Variants in PTBP3 observed in about 807,000 individuals in gnomAD.
PTBP3 encodes polypyrimidine tract-binding protein 3.
A neutral mutation model predicts 58.7 loss-of-function variants in PTBP3; 20 were observed. That is an observed-to-expected ratio of 0.34 (90% CI 0.24 to 0.50). The LOEUF (loss-of-function observed/expected upper bound fraction) is 0.50, where lower values mean the gene tolerates loss of function less well. PTBP3 is among the 20% of genes least tolerant of loss of function. The pLI is 0.98. For synonymous variants in PTBP3, 185 were observed against 219.8 expected (o/e 0.84, Z 1.40); for missense variants, 509 against 637.2 (o/e 0.80, Z 2.17).
At chr9:112,368,795 C>A in the PTBP3 span, among the ~76,000 whole-genome samples, 1 of 152,118 alleles carries the variant, frequency 6.6e-6, no homozygotes. Context: ...ATCAAGACAA[C>A]GGGGGAAAAT....
At chr9:112,291,877 C>T (rs1213536455) in intron 2 of PTBP3, among the ~76,000 whole-genome samples, 6 of 152,090 alleles carry the variant, frequency 3.9e-5, no homozygotes, top group Admixed American at 3.9e-4. Flanking sequence ...GGGCTAATAT[C>T]AAACTCAAAA....
chr9:112,226,450 T>C (rs1834994160), intron 12 of PTBP3, among the ~76,000 whole-genome samples: 1 of 152,332 alleles, frequency 6.6e-6, no homozygotes, highest in East Asian at 1.9e-4. Context: ...CCACAGCTTT[T>C]ATCTCTTTTC....
intron 2 of PTBP3, among the ~76,000 whole-genome samples, chr9:112,278,025 C>T (rs1234064760): frequency 6.6e-6 from 1 of 151,710 alleles, no homozygotes; most frequent in Non-Finnish European, 1.5e-5. Flanking sequence ...AAACAGGCAC[C>T]AAATACCTAA....
At chr9:112,294,218 A>G (rs1186504090) in intron 2 of PTBP3, among the ~76,000 whole-genome samples, 1 of 152,226 alleles carries the variant, frequency 6.6e-6, no homozygotes, top group Non-Finnish European at 1.5e-5. Flanking sequence ...ATGAAGGATT[A>G]TTATCAAAAC....
chr9:112,220,406 T>C lies in PTBP3; in HGVS notation c.*3445A>G. The C allele has an allele frequency of 8.3e-7, 1 of 1,207,908 alleles. No homozygotes were observed. The highest frequency in any genetic ancestry group is 1.0e-6 in the Non-Finnish European group (1 of 952,970). The allele number at this position is 1,207,908 out of a possible 1,614,324, so 74.8% of individuals were successfully genotyped here. A position where few individuals can be genotyped will look rare whatever the true frequency, so the allele number is the denominator to read the frequency against. Reference sequence around the variant, plus strand: ...TAAAATAAAGTAAAATAAAAAGAAATTGAGCAGAGGCATTCATAGGAGCCA... The same window carrying C: ...TAAAATAAAGTAAAATAAAAAGAAACTGAGCAGAGGCATTCATAGGAGCCA... On this transcript the variant is annotated 3_prime_UTR_variant, in exon 14 of 14. Transcript: ENST00000374257.
At chr9:112,309,948 GTAACTA>G (rs1422441503) in intron 1 of PTBP3, among the ~76,000 whole-genome samples, 1 of 152,124 alleles carries the variant, frequency 6.6e-6, no homozygotes, top group Non-Finnish European at 1.5e-5. Context: ...ATAGCCTCCT[GTAACTA>G]TAAACACATC....
At chr9:112,366,572 C>T in the PTBP3 span, among the ~76,000 whole-genome samples, 2 of 152,112 alleles carry the variant, frequency 1.3e-5, no homozygotes, top group African/African-American at 4.8e-5. Flanking sequence ...TGGTGGTGAG[C>T]CTGCAAGTTC....
In PTBP3 at chr9:112,219,878, G is replaced by A. The variant is rs1322200288; in HGVS notation, c.*3973C>T. On this transcript the variant is annotated 3_prime_UTR_variant, in exon 14 of 14. Transcript: ENST00000374257. ...TATTTTAAACCACTCACAACTAGCTGTTAAAATTTGCTCTGAAAAAAGACT... is the reference window on the plus strand; with the variant it reads ...TATTTTAAACCACTCACAACTAGCTATTAAAATTTGCTCTGAAAAAAGACT... The A allele has an allele frequency of 5.7e-6, 1 of 174,752 alleles. No individual in the cohort carries two copies. Among genetic ancestry groups the A allele is most frequent in the Non-Finnish European group, 1.2e-5 (1 of 86,582 alleles). 10.8% of individuals were successfully genotyped at this position (174,752 alleles called of 1,614,324 possible). A position where few individuals can be genotyped will look rare whatever the true frequency, so the allele number is the denominator to read the frequency against.
chr9:112,271,279 T>C (rs1589848419), intron 3 of PTBP3, among the ~76,000 whole-genome samples: 1 of 152,338 alleles, frequency 6.6e-6, no homozygotes, highest in East Asian at 1.9e-4. Flanking sequence ...TATTTAATAT[T>C]TGCCTTAGAT....
the PTBP3 span, among the ~76,000 whole-genome samples, chr9:112,372,436 T>C: frequency 6.6e-6 from 1 of 152,208 alleles, no homozygotes; most frequent in Admixed American, 6.5e-5. Flanking sequence ...AAATTAACAA[T>C]CTTAAAGTGA....
Position 112,223,764 on chromosome 9 carries a change from C to G in PTBP3, c.*87G>C. On this transcript the variant is annotated 3_prime_UTR_variant, in exon 14 of 14. Transcript: ENST00000374257. ...CTCAGAGTTATTTTTGTGAAAGAGG[C>G]AAAATTGGTCTTGAGCTGCTTCAGT... is the stretch of plus-strand genomic sequence containing the variant. The G allele has an allele frequency of 6.5e-7, 1 of 1,546,396 alleles. No individual in the cohort carries two copies. Among genetic ancestry groups the G allele is most frequent in the South Asian group, 1.2e-5 (1 of 81,694 alleles).
chr9:112,310,060 C>T (rs190215911), intron 1 of PTBP3, among the ~76,000 whole-genome samples: 3 of 152,326 alleles, frequency 2.0e-5, no homozygotes, highest in Non-Finnish European at 1.5e-5. Flanking sequence ...CAACACCTTT[C>T]ATCTACTGAG....
At chr9:112,281,530 T>G (rs921421563) in intron 2 of PTBP3, among the ~76,000 whole-genome samples, 1 of 152,240 alleles carries the variant, frequency 6.6e-6, no homozygotes, top group African/African-American at 2.4e-5. Flanking sequence ...TATTAATCTG[T>G]AGTTTTCTTT....
chr9:112,358,934 A>C, the PTBP3 span, among the ~76,000 whole-genome samples: 1 of 152,150 alleles, frequency 6.6e-6, no homozygotes. Flanking sequence ...TCCTGGGCTC[A>C]AGCGATCCTC....
chr9:112,311,620 C>T (rs72754072), intron 1 of PTBP3, among the ~76,000 whole-genome samples: 40,409 of 151,702 alleles, frequency 0.27, 6,677 homozygotes, highest in South Asian at 0.41. Context: ...TGGATTTTGG[C>T]CCCCCCTAGA....
At chr9:112,312,521 G>A (rs570435828) in intron 1 of PTBP3, among the ~76,000 whole-genome samples, 79 of 139,576 alleles carry the variant, frequency 5.7e-4, no homozygotes, top group Non-Finnish European at 1.0e-3. Context: ...AAAAGGACGT[G>A]TGTGTGTGCG....
In PTBP3 at chr9:112,232,125, G is replaced by A. The variant is rs145473155; in HGVS notation, c.994C>T (p.Leu332=). ...GASGIPGNSV[L]LVTNLNPDLI... The stretch of plus-strand genomic sequence containing the variant: ...TCAGGATTGAGATTTGTGACGAGTA[G>A]AACAGAATTTCCTGGTATACCACTA... Residue 332 remains leucine (L), a synonymous_variant, in exon 9 of 14, where the codon CTA becomes TTA. Coordinates refer to ENST00000374257, the MANE Select transcript of PTBP3 (RefSeq NM_001163788.4). The A allele has an allele frequency of 6.0e-5, 97 of 1,612,530 alleles. No individual in the cohort carries two copies. The highest frequency in any genetic ancestry group is 8.0e-5 in the Non-Finnish European group (94 of 1,179,568).
At chr9:112,368,753 T>G in the PTBP3 span, among the ~76,000 whole-genome samples, 1 of 152,174 alleles carries the variant, frequency 6.6e-6, no homozygotes, top group African/African-American at 2.4e-5. Flanking sequence ...CTTAGCCAAT[T>G]TGCATAAGTA....
chr9:112,299,421 T>C (rs1828821140), intron 1 of PTBP3, among the ~76,000 whole-genome samples: 1 of 151,852 alleles, frequency 6.6e-6, no homozygotes, highest in Non-Finnish European at 1.5e-5. Flanking sequence ...ATTAGGAGAA[T>C]AAACAGACAA....
Sources: allele counts gnomAD v4.1 joint callset (sites outside exome capture counted in the v4.1 genomes callset), GRCh38; gene constraint gnomAD v4.1.1; transcripts MANE v1.5; gene names NCBI Gene and HGNC (gene_info 2026-07-23, HGNC 2026-07-21).